Variants in DDX17 observed in about 807,000 individuals in gnomAD.
The protein encoded by DDX17 is DEAD-box helicase 17.
DDX17 carries 10 observed loss-of-function variants against 80.8 expected under a neutral mutation model. The ratio of observed to expected loss-of-function variants is 0.12; its 90% CI spans 0.08 to 0.21. DDX17 has a LOEUF of 0.21. Among genes scored for constraint, DDX17 ranks in the 10% least tolerant of loss-of-function variants. The probability of loss-of-function intolerance (pLI) is 1.00; values close to 1 mark genes in which losing one functional copy is unlikely to be tolerated. For synonymous variants in DDX17, 339 were observed against 336.2 expected, an observed-to-expected ratio of 1.01 and a Z score of -0.09; for missense variants, 586 against 957.4, an observed-to-expected ratio of 0.61 and a Z score of 5.12.
intron 12 of DDX17, among the ~76,000 whole-genome samples, chr22:38,487,205 C>T (rs1469806277): frequency 6.6e-6 from 1 of 152,142 alleles, no homozygotes; most frequent in Non-Finnish European, 1.5e-5. Context: ...AAAACTCAGA[C>T]CAGCCTCAGC....
chr22:38,486,326 G>A lies in DDX17; in HGVS notation c.1799C>T (p.Ala600Val). The stretch of plus-strand genomic sequence containing the variant: ...GGTTTCACTACGATCCCGATAGCTT[G>A]CAGAGTCTCTCCGGCCACCATCCTT... The change falls in exon 13 of 13, where the codon GCA becomes GTA. Residue 600 changes from alanine to valine, a missense_variant. Ala to Val is a moderately conservative substitution (Grantham distance 64). This residue lies in a region of DDX17 where 221 missense variants were observed against 261.4 expected (regional missense o/e 0.85). Transcript: ENST00000403230. The A allele has an allele frequency of 6.2e-7, 1 of 1,614,178 alleles. No individual in the cohort carries two copies. Among genetic ancestry groups the A allele is most frequent in the Non-Finnish European group, 8.5e-7 (1 of 1,180,034 alleles).
chr22:38,506,073 G>A lies in DDX17; in HGVS notation c.165C>T (p.Thr55=). Reference sequence around the variant, plus strand: ...TCGGGAGGGCCTGCGGCTCCGGTCTGGTGACGACCGATGGCGGCGGCGCCT... The same window carrying A: ...TCGGGAGGGCCTGCGGCTCCGGTCTAGTGACGACCGATGGCGGCGGCGCCT... The change falls in exon 1 of 13, where the codon ACC becomes ACT. Residue 55 remains threonine, a synonymous_variant. Coordinates refer to ENST00000403230, the MANE Select transcript of DDX17 (RefSeq NM_006386.5). The A allele has an allele frequency of 1.9e-6, 3 of 1,582,440 alleles. No homozygotes were observed. In the South Asian group the frequency reaches 3.4e-5, roughly 18 times the overall value.
Position 38,486,024 on chromosome 22 carries a change from G to T in DDX17, c.2101C>A (p.Pro701Thr). Reference sequence around the variant, plus strand: ...TAACCTATCATATTGGTAGCTCCCGGAGGCTGTGCAAACTGTTGTGACATC... The same window carrying T: ...TAACCTATCATATTGGTAGCTCCCGTAGGCTGTGCAAACTGTTGTGACATC... Residue 701 changes from proline to threonine, a missense_variant, in exon 13 of 13, where the codon CCG (proline) becomes ACG (threonine). Coordinates refer to ENST00000403230, the MANE Select transcript of DDX17 (RefSeq NM_006386.5). 2 of 1,613,996 alleles carry T rather than the reference G, an allele frequency of 1.2e-6. No individual in the cohort carries two copies. Among genetic ancestry groups the T allele is most frequent in the Non-Finnish European group, 1.7e-6 (2 of 1,180,000 alleles).
intron 4 of DDX17, 127 bp from the exon 5 acceptor site, chr22:38,498,277 G>A (rs991555156): frequency 7.3e-7 from 1 of 1,376,412 alleles, no homozygotes; most frequent in Admixed American, 2.3e-5. Flanking sequence ...CTATATACAG[G>A]AAGCAATACA....
chr22:38,505,592 C>T (rs111667687), intron 1 of DDX17: 6 of 240,106 alleles, frequency 2.5e-5, no homozygotes, highest in Non-Finnish European at 4.7e-5. Flanking sequence ...CATCGAACAG[C>T]CCGCCCGAAG....
intron 2 of DDX17, among the ~76,000 whole-genome samples, chr22:38,500,283 C>T (rs1189944372): frequency 6.6e-6 from 1 of 151,850 alleles, no homozygotes. Context: ...GCATTATCAA[C>T]AAGAGAACAA....
chr22:38,493,635 C>G, intron 10 of DDX17, 75 bp downstream of exon 10: 1 of 1,272,220 alleles, frequency 7.9e-7, no homozygotes, highest in Non-Finnish European at 1.1e-6. Flanking sequence ...TTGCCTATCC[C>G]TGAAATAGAG....
At position 38,485,292 on chromosome 22, in the gene DDX17, C is replaced by CG. The variant is rs1158480640; in HGVS notation, c.*642dup. The CG allele has an allele frequency of 6.6e-6, 1 of 152,014 alleles. No individual in the cohort carries two copies. Among genetic ancestry groups the CG allele is most frequent in the Non-Finnish European group, 1.5e-5 (1 of 68,014 alleles). 9.4% of individuals were successfully genotyped at this position (152,014 alleles called of 1,614,324 possible). A position where few individuals can be genotyped will look rare whatever the true frequency, so the allele number is the denominator to read the frequency against. ...CACTAAAATGGTTATTTTTCAGTAA[C>CG]GGGGGGAGAAGTGGGGAGGCAGAGT... On this transcript the variant is annotated 3_prime_UTR_variant, in exon 13 of 13. Transcript: ENST00000403230.
intron 4 of DDX17, 111 bp downstream of exon 4, chr22:38,498,329 T>C: frequency 6.8e-7 from 1 of 1,477,584 alleles, no homozygotes; most frequent in East Asian, 2.3e-5. Flanking sequence ...ATAACTAAAA[T>C]AGTATCTAAC....
At chr22:38,502,062 C>T (rs1233246609) in intron 1 of DDX17, among the ~76,000 whole-genome samples, 2 of 152,348 alleles carry the variant, frequency 1.3e-5, no homozygotes, top group Non-Finnish European at 2.9e-5. Flanking sequence ...CAAAGCAAAA[C>T]TGGGTCTTGG....
intron 1 of DDX17, among the ~76,000 whole-genome samples, chr22:38,504,436 G>A (rs2089860036): frequency 6.6e-6 from 1 of 152,156 alleles, no homozygotes; most frequent in African/African-American, 2.4e-5. Context: ...AGGCATTACA[G>A]TCTAGGGTAT....
intron 11 of DDX17, 155 bp downstream of exon 11, chr22:38,491,901 A>C (rs1442501396): frequency 1.2e-5 from 6 of 508,816 alleles, no homozygotes; most frequent in Non-Finnish European, 2.0e-5. Context: ...GGGGGCAGGG[A>C]ATGGGGAGAA....
rs771514273 is a variant in DDX17, at chr22:38,501,299, G to C, written c.288-19C>G. On this transcript the variant is annotated intron_variant, in intron 1 of 12. Coordinates refer to ENST00000403230, the MANE Select transcript of DDX17 (RefSeq NM_006386.5). ...TCCAAATCTAGGAACAGAATTTTTA[G>C]TTAGTTCATCAGTATTTTTAAAGCA... 3 of 1,599,592 alleles carry C rather than the reference G, an allele frequency of 1.9e-6. No individual in the cohort carries two copies. Among genetic ancestry groups the C allele is most frequent in the East Asian group, 4.5e-5 (2 of 44,540 alleles).
At chr22:38,492,722 G>A (rs1691420155) in intron 10 of DDX17, among the ~76,000 whole-genome samples, 1 of 152,170 alleles carries the variant, frequency 6.6e-6, no homozygotes, top group South Asian at 2.1e-4. Context: ...CCAACCTCAG[G>A]TGATCCGCCC....
intron 5 of DDX17, among the ~76,000 whole-genome samples, chr22:38,496,500 CCA>C (rs1479111375): frequency 6.6e-6 from 1 of 152,214 alleles, no homozygotes; most frequent in Non-Finnish European, 1.5e-5. Context: ...GAGGCAGGCA[CCA>C]CCATGCCCAG....
In DDX17 at chr22:38,506,031, G is replaced by C; in HGVS notation, c.207C>G (p.Ala69=). ...CAAAAGGATAGAGATCTGGGAGCGG[G>C]GCACGGATGGCCGGGCTCGGGAGGG... Residue 69 remains alanine (A), a synonymous_variant, in exon 1 of 13, where the codon GCC becomes GCG. Transcript: ENST00000403230. 6.3e-7 allele frequency: 1 copy of C among 1,588,604 alleles called. No homozygotes were observed. Among genetic ancestry groups the C allele is most frequent in the Non-Finnish European group, 8.6e-7 (1 of 1,168,258 alleles).
At chr22:38,504,909 G>A (rs1569144551) in intron 1 of DDX17, among the ~76,000 whole-genome samples, 2 of 151,458 alleles carry the variant, frequency 1.3e-5, no homozygotes, top group Non-Finnish European at 1.5e-5. Flanking sequence ...AACTCTTTGG[G>A]GAAGCGGGGG....
At chr22:38,495,478 C>T (rs897965562) in intron 6 of DDX17, among the ~76,000 whole-genome samples, 6 of 152,120 alleles carry the variant, frequency 3.9e-5, no homozygotes, top group African/African-American at 1.4e-4. Context: ...ATCTCTGGAC[C>T]TCGTGATCCG....
At chr22:38,503,989 G>A (rs2089855804) in intron 1 of DDX17, among the ~76,000 whole-genome samples, 1 of 152,196 alleles carries the variant, frequency 6.6e-6, no homozygotes, top group Non-Finnish European at 1.5e-5. Flanking sequence ...GTATGGATCA[G>A]TAATTCACTT....
Sources: allele counts gnomAD v4.1 joint callset (sites outside exome capture counted in the v4.1 genomes callset), GRCh38; gene constraint gnomAD v4.1.1; regional missense constraint gnomAD v4.1.1; transcripts MANE v1.5; gene names NCBI Gene and HGNC (gene_info 2026-07-23, HGNC 2026-07-21).